Variants in RPH3A observed in about 807,000 individuals in gnomAD.
RPH3A encodes rabphilin 3A.
In RPH3A, 48 loss-of-function variants were observed where a neutral mutation model predicts 102.2. The ratio of observed to expected loss-of-function variants is 0.47; its 90% CI spans 0.37 to 0.60. The LOEUF is 0.60. Ranked by LOEUF, RPH3A falls within the 20% of genes least tolerant of loss-of-function variation. The pLI is 0.00. For missense variants in RPH3A, 781 were observed against 910.1 expected, an observed-to-expected ratio of 0.86 and a Z score of 1.83; for synonymous variants, 310 against 324.3, an observed-to-expected ratio of 0.96 and a Z score of 0.47.
At chr12:112,738,905 CTT>C (rs1397626236) in intron 1 of RPH3A, among the ~76,000 whole-genome samples, 1 of 152,116 alleles carries the variant, frequency 6.6e-6, no homozygotes, top group Non-Finnish European at 1.5e-5. Context: ...GGTTTTCTCT[CTT>C]TTTTCCCCTA....
intron 1 of RPH3A, chr12:112,650,988 C>T (rs2039970959): frequency 6.6e-6 from 1 of 151,326 alleles, no homozygotes; most frequent in South Asian, 2.2e-4. Flanking sequence ...ACCTTGGCTT[C>T]CCAAAGTGCT....
intron 1 of RPH3A, among the ~76,000 whole-genome samples, chr12:112,697,681 A>G (rs943332985): frequency 6.6e-5 from 10 of 152,176 alleles, no homozygotes; most frequent in East Asian, 1.9e-4. Flanking sequence ...CCTGGCCAAC[A>G]TGGTGAAATG....
intron 1 of RPH3A, among the ~76,000 whole-genome samples, chr12:112,653,724 T>G (rs1260200982): frequency 6.6e-6 from 1 of 152,210 alleles, no homozygotes. Context: ...TATTAGGTAT[T>G]AAGCCTAGTG....
At position 112,712,901 on chromosome 12, in the gene RPH3A, TTCCTCTTCTTCTTCTTCTTCTTCC is replaced by T. The variant is rs1565856707; in HGVS notation, c.-139-79239_-139-79216del. 2.7e-3 allele frequency among the ~76,000 whole-genome samples: 351 copies of T among 130,234 alleles called. 18 individuals carry two copies. Among genetic ancestry groups the T allele is most frequent in the South Asian group, 4.8e-3 (16 of 3,364 alleles). The allele number at this position is 130,234 out of a possible 152,430, so 85.4% of individuals were successfully genotyped here. A position where few individuals can be genotyped will look rare whatever the true frequency, so the allele number is the denominator to read the frequency against. On this transcript the variant is annotated intron_variant, in intron 1 of 21. Coordinates refer to the RPH3A transcript ENST00000543106. The stretch of plus-strand genomic sequence containing the variant: ...TTTTTTCTTCTTCTTCTTCTTCTTC[TTCCTCTTCTTCTTCTTCTTCTTCC>T]TCTTCTTCTTCTTCTTCTTCTTCTT...
At chr12:112,648,232 T>G (rs2039945930) in intron 1 of RPH3A, among the ~76,000 whole-genome samples, 4 of 152,160 alleles carry the variant, frequency 2.6e-5, no homozygotes, top group Non-Finnish European at 4.4e-5. Context: ...ATTTTTTTAC[T>G]TGACCTAATA....
At chr12:112,668,795 G>A (rs1227003081) in intron 1 of RPH3A, among the ~76,000 whole-genome samples, 2 of 151,978 alleles carry the variant, frequency 1.3e-5, no homozygotes, top group South Asian at 2.1e-4. Flanking sequence ...TACATGTTCA[G>A]CATATGTATT....
chr12:112,584,490 C>A (rs1433123512), intron 1 of RPH3A, among the ~76,000 whole-genome samples: 3 of 152,148 alleles, frequency 2.0e-5, no homozygotes, highest in Non-Finnish European at 4.4e-5. Flanking sequence ...GTCACATGGT[C>A]TACTTCTGAT....
At chr12:112,801,164 G>T (rs2041342811) in intron 2 of RPH3A, among the ~76,000 whole-genome samples, 1 of 152,290 alleles carries the variant, frequency 6.6e-6, no homozygotes, top group East Asian at 1.9e-4. Flanking sequence ...AGCTTCTGGT[G>T]TCTGCAGCTT....
chr12:112,710,267 C>T (rs1175992430), intron 1 of RPH3A, among the ~76,000 whole-genome samples: 4 of 152,208 alleles, frequency 2.6e-5, no homozygotes, highest in Non-Finnish European at 5.9e-5. Context: ...TGAGCCACCG[C>T]GCCCGGCCTG....
At chr12:112,862,758 C>T (rs564913978) in intron 5 of RPH3A, among the ~76,000 whole-genome samples, 10 of 152,210 alleles carry the variant, frequency 6.6e-5, no homozygotes, top group East Asian at 1.9e-4. Context: ...GCACCTCTCT[C>T]GAATGGAACA....
At chr12:112,787,390 C>T (rs892727711), upstream of RPH3A, among the ~76,000 whole-genome samples, 8 of 152,196 alleles carry the variant, frequency 5.3e-5, no homozygotes, top group Non-Finnish European at 1.2e-4. Flanking sequence ...TTCAGATTCA[C>T]ACCCCATTCT....
intron 1 of RPH3A, among the ~76,000 whole-genome samples, chr12:112,605,503 A>C (rs1800936087): frequency 1.3e-5 from 2 of 152,242 alleles, no homozygotes; most frequent in African/African-American, 4.8e-5. Context: ...AAGCTTATAC[A>C]ACTTATGGGT....
intron 3 of RPH3A, among the ~76,000 whole-genome samples, chr12:112,831,482 A>C (rs1050708490): frequency 4.6e-5 from 7 of 152,040 alleles, no homozygotes; most frequent in South Asian, 2.1e-4. Flanking sequence ...CCTTACCTAC[A>C]TACGACTCTT....
intron 1 of RPH3A, among the ~76,000 whole-genome samples, chr12:112,632,415 T>C (rs1160891808): frequency 6.6e-6 from 1 of 152,164 alleles, no homozygotes; most frequent in Admixed American, 6.5e-5. Flanking sequence ...TTGCATGCGT[T>C]ATTCAGCTCC....
upstream of RPH3A, chr12:112,791,157 T>C (rs1027449020): frequency 6.6e-6 from 1 of 152,084 alleles, no homozygotes; most frequent in African/African-American, 2.4e-5. Flanking sequence ...GCTTTTCTGC[T>C]CTGAATTCTG....
intron 1 of RPH3A, among the ~76,000 whole-genome samples, chr12:112,724,052 A>ATTTTTTTTT (rs146271090): frequency 9.4e-5 from 11 of 117,310 alleles, no homozygotes; most frequent in Non-Finnish European, 1.0e-4. Flanking sequence ...AATTTTTTTG[A>ATTTTTTTTT]TTTTTTTTTT....
At chr12:112,787,449 A>G (rs1236715517), upstream of RPH3A, among the ~76,000 whole-genome samples, 1 of 152,124 alleles carries the variant, frequency 6.6e-6, no homozygotes, top group Admixed American at 6.5e-5. Context: ...TGAGCTCTCC[A>G]TGTCTGATTT....
intron 13 of RPH3A, 62 bp from the exon 14 acceptor site, chr12:112,879,057 A>G: frequency 1.4e-6 from 2 of 1,405,226 alleles, no homozygotes; most frequent in South Asian, 1.2e-5. Context: ...GTAAGTGTTC[A>G]GGAAATGTTT....
At chr12:112,864,612 G>A (rs1286815344) in intron 5 of RPH3A, among the ~76,000 whole-genome samples, 1 of 152,208 alleles carries the variant, frequency 6.6e-6, no homozygotes, top group Non-Finnish European at 1.5e-5. Flanking sequence ...TGAAAGATCA[G>A]TGTAACTAGA....
Sources: allele counts gnomAD v4.1 joint callset (sites outside exome capture counted in the v4.1 genomes callset), GRCh38; gene constraint gnomAD v4.1.1; transcripts MANE v1.5; gene names NCBI Gene and HGNC (gene_info 2026-07-23, HGNC 2026-07-21).